Variants in PAPPA2 observed in about 807,000 individuals in gnomAD.
PAPPA2 encodes the protein pappalysin-2.
Under a neutral mutation model 176.4 loss-of-function variants are expected in PAPPA2, and 86 were observed. The ratio of observed to expected loss-of-function variants is 0.49; its 90% CI spans 0.41 to 0.58. The LOEUF (loss-of-function observed/expected upper bound fraction) is 0.58, where lower values mean the gene tolerates loss of function less well. PAPPA2 is among the 20% of genes least tolerant of loss of function. PAPPA2 has a pLI of 0.00. For synonymous variants in PAPPA2, 809 were observed against 852.2 expected (o/e 0.95, Z 0.88); for missense variants, 2,073 against 2,256.9 (o/e 0.92, Z 1.65).
chr1:176,571,766 A>C (rs12139548), intron 2 of PAPPA2, among the ~76,000 whole-genome samples: 16,702 of 152,306 alleles, frequency 0.11, 1,179 homozygotes, highest in Middle Eastern at 0.19. Context: ...TCAACTAACT[A>C]TAATATTTTA....
rs1553352050 is a variant in PAPPA2 at position 176,498,751 on chromosome 1, C to CAAAAAA, written c.-917+35343_-917+35348dup. 2.3e-3 allele frequency among the ~76,000 whole-genome samples: 258 copies of CAAAAAA among 112,124 alleles called. 1 individual carries two copies. Among genetic ancestry groups the CAAAAAA allele is most frequent in the Middle Eastern group, 0.015 (3 of 202 alleles). 73.6% of individuals were successfully genotyped at this position (112,124 alleles called of 152,430 possible). A position where few individuals can be genotyped will look rare whatever the true frequency, so the allele number is the denominator to read the frequency against. On this transcript the variant is annotated intron_variant, in intron 1 of 22. Transcript: ENST00000367662. ...GGCGACAGAGCGAGACTCTTACCTC[C>CAAAAAA]AAAAAAAAAAAAAAAGAAGAAGAAA...
intron 2 of PAPPA2, among the ~76,000 whole-genome samples, chr1:176,559,057 G>A (rs929799106): frequency 6.6e-6 from 1 of 152,074 alleles, no homozygotes; most frequent in Non-Finnish European, 1.5e-5. Flanking sequence ...CATTTCTTGT[G>A]GCACCTCCCC....
At chr1:176,510,798 TA>T (rs1211235224) in intron 1 of PAPPA2, among the ~76,000 whole-genome samples, 1 of 122,650 alleles carries the variant, frequency 8.2e-6, no homozygotes, top group Non-Finnish European at 1.7e-5. Context: ...TTTTAAAATT[TA>T]AAGCAACACA....
At chr1:176,614,760 A>G (rs967095579) in intron 3 of PAPPA2, among the ~76,000 whole-genome samples, 5 of 152,216 alleles carry the variant, frequency 3.3e-5, no homozygotes, top group Non-Finnish European at 7.3e-5. Context: ...CTCCCACAGT[A>G]CTATAACCAC....
intron 14 of PAPPA2, among the ~76,000 whole-genome samples, chr1:176,740,640 G>A (rs1662637180): frequency 6.6e-6 from 1 of 152,154 alleles, no homozygotes; most frequent in Admixed American, 6.5e-5. Context: ...AGAATTATAT[G>A]TGGAAATAGG....
chr1:176,792,989 G>C (rs1665248587), intron 19 of PAPPA2, among the ~76,000 whole-genome samples: 1 of 152,074 alleles, frequency 6.6e-6, no homozygotes, highest in African/African-American at 2.4e-5. Context: ...AGGTTTATTG[G>C]CTGCTGATGC....
intron 3 of PAPPA2, among the ~76,000 whole-genome samples, chr1:176,634,229 G>A (rs147036913): frequency 0.17 from 26,575 of 152,164 alleles, 2,481 homozygotes; most frequent in Middle Eastern, 0.23. Context: ...TTAAGAAAAT[G>A]TGGCACTTAT....
intron 21 of PAPPA2, among the ~76,000 whole-genome samples, chr1:176,832,121 CT>C (rs1305446826): frequency 6.6e-6 from 1 of 152,150 alleles, no homozygotes; most frequent in African/African-American, 2.4e-5. Context: ...TGGTAGTTTT[CT>C]TGCTGCTTTC....
chr1:176,476,417 G>T (rs900799798), intron 1 of PAPPA2, among the ~76,000 whole-genome samples: 3 of 152,190 alleles, frequency 2.0e-5, no homozygotes, highest in Non-Finnish European at 4.4e-5. Flanking sequence ...TGAAGCTCAT[G>T]TCCCCACCAT....
chr1:176,494,688 CCCACCCGG>C (rs1647500324), intron 1 of PAPPA2, among the ~76,000 whole-genome samples: 1 of 152,174 alleles, frequency 6.6e-6, no homozygotes, highest in Non-Finnish European at 1.5e-5. Flanking sequence ...AGAACTCTGT[CCCACCCGG>C]CCTTCTGATA....
Position 176,690,819 on chromosome 1 carries a change from T to G in PAPPA2, c.2431+389T>G, listed in dbSNP as rs918796215. On this transcript the variant is annotated intron_variant, in intron 5 of 22. Coordinates refer to ENST00000367662, the MANE Select transcript of PAPPA2 (RefSeq NM_020318.3). ...CCAATGGAAATAAAGGAAAAGAGTT[T>G]ATGGGTCAAGGTGGCCCATTGTACT... is the stretch of plus-strand genomic sequence containing the variant. 1.1e-5 allele frequency: 11 copies of G among 1,014,746 alleles called. No homozygotes were observed. The African/African-American group carries it at 1.7e-4, about 16-fold the overall frequency. The allele number at this position is 1,014,746 out of a possible 1,614,324, so 62.9% of individuals were successfully genotyped here.
chr1:176,759,370 GT>G (rs1663587438), intron 14 of PAPPA2, among the ~76,000 whole-genome samples: 2 of 152,090 alleles, frequency 1.3e-5, no homozygotes, highest in African/African-American at 4.8e-5. Flanking sequence ...TTTCAGATCT[GT>G]TTCTGTTTTA....
At chr1:176,780,706 G>A (rs957439848) in intron 17 of PAPPA2, among the ~76,000 whole-genome samples, 2 of 151,422 alleles carry the variant, frequency 1.3e-5, no homozygotes, top group Admixed American at 6.6e-5. Context: ...TTTTACAACC[G>A]CAAGACCTAA....
intron 21 of PAPPA2, among the ~76,000 whole-genome samples, chr1:176,838,950 C>A (rs1016527099): frequency 2.0e-5 from 3 of 152,202 alleles, no homozygotes; most frequent in African/African-American, 7.2e-5. Flanking sequence ...TAAACTCGTT[C>A]TGATGTAACT....
intron 21 of PAPPA2, among the ~76,000 whole-genome samples, chr1:176,823,033 C>T (rs370108124): frequency 1.8e-4 from 27 of 152,180 alleles, no homozygotes; most frequent in Admixed American, 1.3e-3. Context: ...CAAGTAATAA[C>T]AATTAACAAT....
At chr1:176,545,158 A>G (rs1428242604) in intron 1 of PAPPA2, among the ~76,000 whole-genome samples, 1 of 152,128 alleles carries the variant, frequency 6.6e-6, no homozygotes, top group Admixed American at 6.5e-5. Context: ...CTCTAACCAT[A>G]TGGCTGGTTT....
intron 3 of PAPPA2, among the ~76,000 whole-genome samples, chr1:176,644,259 C>T (rs929796182): frequency 5.9e-5 from 9 of 151,730 alleles, no homozygotes; most frequent in African/African-American, 2.2e-4. Context: ...AAGTGAGACT[C>T]AGGCAGGTTC....
intron 18 of PAPPA2, among the ~76,000 whole-genome samples, chr1:176,791,060 C>A: frequency 6.6e-6 from 1 of 151,688 alleles, no homozygotes; most frequent in South Asian, 2.1e-4. Flanking sequence ...AATATATGAG[C>A]TTCGGTTGAT....
At chr1:176,777,248 T>C (rs1664496820) in intron 17 of PAPPA2, among the ~76,000 whole-genome samples, 1 of 152,136 alleles carries the variant, frequency 6.6e-6, no homozygotes, top group Non-Finnish European at 1.5e-5. Flanking sequence ...AGCAGTGATA[T>C]ATTAAAACAC....
Sources: allele counts gnomAD v4.1 joint callset (sites outside exome capture counted in the v4.1 genomes callset), GRCh38; gene constraint gnomAD v4.1.1; transcripts MANE v1.5; gene names NCBI Gene and HGNC (gene_info 2026-07-23, HGNC 2026-07-21).